The following CBX3 variants were observed in gnomAD, a reference collection of about 807,000 sequenced individuals.
The protein encoded by CBX3 is chromobox 3, also known as chromobox protein homolog 3.
In CBX3, 5 loss-of-function variants were observed where a neutral mutation model predicts 22.6. That is an observed-to-expected ratio of 0.22 (90% CI 0.12 to 0.47). CBX3 has a LOEUF of 0.47. Ranked by LOEUF, CBX3 falls within the 20% of genes least tolerant of loss-of-function variation. The pLI is 0.99. For missense variants in CBX3, 83 were observed against 208.1 expected (o/e 0.40, Z 3.70); for synonymous variants, 50 against 66.6 (o/e 0.75, Z 1.21).
chr7:26,209,096 G>A (rs919111580), intron 4 of CBX3, among the ~76,000 whole-genome samples: 4 of 150,512 alleles, frequency 2.7e-5, no homozygotes, highest in African/African-American at 7.3e-5. Flanking sequence ...TAGTAGAGAC[G>A]GGGTTTCACC....
upstream of CBX3, chr7:26,201,647 G>C (rs959804760): frequency 7.2e-6 from 1 of 139,686 alleles, no homozygotes; most frequent in Admixed American, 7.3e-5. Context: ...TCCCCCCGCC[G>C]GGCGCGCGCC....
At chr7:26,204,110 C>A (rs568820769) in intron 2 of CBX3, among the ~76,000 whole-genome samples, 124 of 152,078 alleles carry the variant, frequency 8.2e-4, no homozygotes, top group Non-Finnish European at 1.5e-3. Context: ...TTGACTCATC[C>A]ACTTTTGGAA....
intron 4 of CBX3, among the ~76,000 whole-genome samples, chr7:26,211,331 T>C (rs1041158725): frequency 2.6e-5 from 4 of 152,240 alleles, no homozygotes; most frequent in Non-Finnish European, 4.4e-5. Flanking sequence ...ATTTGAAATA[T>C]ATTAACTTTC....
At chr7:26,208,346 C>T (rs1315530531) in intron 3 of CBX3, 47 bp from the exon 4 acceptor site, 1 of 1,421,096 alleles carries the variant, frequency 7.0e-7, no homozygotes, top group Non-Finnish European at 9.7e-7. Context: ...GGTGATGAAT[C>T]ATATTTAATT....
At chr7:26,212,023 C>T in intron 5 of CBX3, 59 bp from the exon 6 acceptor site, 1 of 1,409,026 alleles carries the variant, frequency 7.1e-7, no homozygotes, top group Non-Finnish European at 9.4e-7. Flanking sequence ...AAATGAATGG[C>T]TGTCGGTTGA....
chr7:26,208,279 T>A (rs371759964), intron 3 of CBX3, 114 bp from the exon 4 acceptor site: 2 of 749,046 alleles, frequency 2.7e-6, no homozygotes. Flanking sequence ...GATTAGTATC[T>A]GCAGTACAGA....
Position 26,212,062 on chromosome 7 carries a change from T to C in CBX3, c.426-20T>C, listed in dbSNP as rs768198099. 4.7e-6 allele frequency: 7 copies of C among 1,502,994 alleles called. No homozygotes were observed. The African/African-American group carries it at 8.6e-5, about 18-fold the overall frequency. 93.1% of individuals were successfully genotyped at this position (1,502,994 alleles called of 1,614,324 possible). On this transcript the variant is annotated intron_variant, in intron 5 of 5. Coordinates refer to ENST00000396386, the MANE Select transcript of CBX3 (RefSeq NM_016587.4). ...GAACAACTTCGACTTGTAACTGAAT[T>C]TTTCTTTTTCTTAAAACAGGAAAGA...
At chr7:26,209,696 C>T (rs1266814928) in intron 4 of CBX3, among the ~76,000 whole-genome samples, 1 of 152,124 alleles carries the variant, frequency 6.6e-6, no homozygotes. Flanking sequence ...CTTTGCTTTA[C>T]TTATGTCTCT....
chr7:26,208,700 A>T, intron 4 of CBX3, 145 bp downstream of exon 4: 1 of 645,794 alleles, frequency 1.5e-6, no homozygotes, highest in Non-Finnish European at 2.5e-6. Flanking sequence ...GGTCACTGCA[A>T]CTGCCGCCTC....
chr7:26,206,502 A>G lies in CBX3; in HGVS notation c.159A>G (p.Gly53=), dbSNP rs192881539. The change falls in exon 3 of 6, where the codon GGA becomes GGG. Residue 53 remains glycine, a synonymous_variant. Transcript: ENST00000396386. ...GKVEYFLKWK[G]FTDADNTWEP... is the part of the protein sequence containing the mutation. ...TGGAATATTTCCTGAAGTGGAAGGGATTTACAGAGTAAGAAACTTTAGTGC... is the reference window on the plus strand; with the variant it reads ...TGGAATATTTCCTGAAGTGGAAGGGGTTTACAGAGTAAGAAACTTTAGTGC... The G allele has an allele frequency of 2.4e-5, 39 of 1,613,500 alleles. No individual in the cohort carries two copies. In the African/African-American group the frequency reaches 4.1e-4, roughly 17 times the overall value.
At position 26,208,456 on chromosome 7, in the gene CBX3, T is replaced by C; in HGVS notation, c.231T>C (p.Leu77=). ...GTCCAGAATTGATTGAAGCGTTTCT[T>C]AACTCTCAGAAAGCTGGCAAAGAAA... is the stretch of plus-strand genomic sequence containing the variant. ...LDCPELIEAF[L]NSQKAGKEKD... is the part of the protein sequence containing the mutation. The change falls in exon 4 of 6, where the codon CTT becomes CTC. Residue 77 remains leucine, a synonymous_variant. Transcript: ENST00000396386. 1 of 1,614,048 alleles carries C rather than the reference T, an allele frequency of 6.2e-7. No individual in the cohort carries two copies. Among genetic ancestry groups the C allele is most frequent in the Non-Finnish European group, 8.5e-7 (1 of 1,179,912 alleles).
intron 1 of CBX3, chr7:26,202,377 G>A (rs1161533412): frequency 6.6e-6 from 1 of 152,266 alleles, no homozygotes; most frequent in Non-Finnish European, 1.5e-5. Context: ...CCGCGCTCCC[G>A]GGTGGGGGCG....
chr7:26,206,753 G>T (rs1389486329), intron 3 of CBX3, among the ~76,000 whole-genome samples: 1 of 152,162 alleles, frequency 6.6e-6, no homozygotes, highest in African/African-American at 2.4e-5. Flanking sequence ...TAAAATTATG[G>T]AGTGTAGTTT....
intron 1 of CBX3, chr7:26,202,460 A>C (rs551990185): frequency 6.6e-6 from 1 of 152,564 alleles, no homozygotes; most frequent in Non-Finnish European, 1.5e-5. Flanking sequence ...GCAAGAGGTG[A>C]TTCTTTTTTC....
chr7:26,202,667 T>G (rs1272524079), intron 1 of CBX3: 2 of 319,858 alleles, frequency 6.3e-6, no homozygotes, highest in East Asian at 1.6e-4. Context: ...CCTTTAAAAA[T>G]GGAACATGGA....
At chr7:26,206,546 A>G in intron 3 of CBX3, 36 bp downstream of exon 3, 1 of 1,597,858 alleles carries the variant, frequency 6.3e-7, no homozygotes, top group Non-Finnish European at 8.6e-7. Context: ...TATATGTTTA[A>G]CTGCAGCTAA....
rs887163523 is a variant in CBX3, at chr7:26,206,092, C to CA, written c.25-267dup. 249 of 296,786 alleles carry CA rather than the reference C, an allele frequency of 8.4e-4. 1 individual carries two copies. Among genetic ancestry groups the CA allele is most frequent in the East Asian group, 1.3e-3 (15 of 11,894 alleles). The allele number at this position is 296,786 out of a possible 1,614,324, so 18.4% of individuals were successfully genotyped here. On this transcript the variant is annotated intron_variant, in intron 2 of 5. Transcript: ENST00000396386. ...GCGACAAGAGTGTGAGACCCTGTCT[C>CA]AAAAAAAAAGACTGGAAAAAAATAA... is the stretch of plus-strand genomic sequence containing the variant.
At chr7:26,211,849 T>C in intron 5 of CBX3, 93 bp downstream of exon 5, 1 of 985,546 alleles carries the variant, frequency 1.0e-6, no homozygotes, top group Non-Finnish European at 1.5e-6. Flanking sequence ...AGGGAAAAAC[T>C]ATCTGCTGAG....
chr7:26,201,693 GGT>G (rs943188458), upstream of CBX3: 177 of 124,828 alleles, frequency 1.4e-3, 1 homozygote, highest in African/African-American at 4.8e-3. Context: ...CGGCGTGGGC[GGT>G]GCCACCCCTC....
Sources: allele counts gnomAD v4.1 joint callset (sites outside exome capture counted in the v4.1 genomes callset), GRCh38; gene constraint gnomAD v4.1.1; transcripts MANE v1.5; gene names NCBI Gene and HGNC (gene_info 2026-07-23, HGNC 2026-07-21).